BRMS1L: variants seen among roughly 807,000 people sequenced by gnomAD.
The protein encoded by BRMS1L is breast cancer metastasis-suppressor 1-like protein.
In BRMS1L, 23 loss-of-function variants were observed where a neutral mutation model predicts 50.3. The observed-to-expected ratio is 0.46, with a 90% CI of 0.33 to 0.65. BRMS1L has a LOEUF of 0.65. Ranked by LOEUF, BRMS1L falls within the 30% of genes least tolerant of loss-of-function variation. The probability of loss-of-function intolerance (pLI) is 0.02; values close to 1 mark genes in which losing one functional copy is unlikely to be tolerated. For missense variants in BRMS1L, 286 were observed against 386.1 expected (o/e 0.74, Z 2.17); for synonymous variants, 114 against 126.9 (o/e 0.90, Z 0.69).
chr14:35,856,613 G>T (rs918862767), intron 4 of BRMS1L, among the ~76,000 whole-genome samples: 5 of 150,646 alleles, frequency 3.3e-5, no homozygotes, highest in Admixed American at 1.3e-4. Flanking sequence ...CATTTTTTTG[G>T]GGGGGGGTTT....
chr14:35,832,881 T>C (rs1342965310), intron 2 of BRMS1L, 97 bp from the exon 3 acceptor site: 1 of 1,070,632 alleles, frequency 9.3e-7, no homozygotes, highest in Non-Finnish European at 1.3e-6. Flanking sequence ...ATTATTAGAA[T>C]ATAAATGATA....
chr14:35,841,677 A>G (rs2078065937), intron 4 of BRMS1L, among the ~76,000 whole-genome samples: 1 of 152,198 alleles, frequency 6.6e-6, no homozygotes, highest in Admixed American at 6.5e-5. Flanking sequence ...AGAGTTCTGT[A>G]GATGTCTGTT....
At chr14:35,837,483 C>CT (rs1236133752) in intron 4 of BRMS1L, among the ~76,000 whole-genome samples, 1 of 152,094 alleles carries the variant, frequency 6.6e-6, no homozygotes, top group Non-Finnish European at 1.5e-5. Context: ...ATCATAGTAT[C>CT]TTTTTCTATT....
In BRMS1L at chr14:35,830,961, T is replaced by C. The variant is rs535592702; in HGVS notation, c.143-449T>C. On this transcript the variant is annotated intron_variant, in intron 1 of 9. Transcript: ENST00000216807. ...AGTGGATTTTTTTTTTTTTTTTTTT[T>C]AGACTAGGTCACTCTGTCACCCAGG... Among the ~76,000 whole-genome samples the C allele has an allele frequency of 2.3e-4, 34 of 148,910 alleles. No homozygotes were observed. The South Asian group carries it at 7.0e-3, about 31-fold the overall frequency.
At chr14:35,828,000 T>A (rs1415254170) in intron 1 of BRMS1L, among the ~76,000 whole-genome samples, 4 of 152,114 alleles carry the variant, frequency 2.6e-5, no homozygotes, top group Admixed American at 2.6e-4. Flanking sequence ...AAAGTATAGA[T>A]GTGAGTGATT....
chr14:35,834,694 A>G (rs1025431884), intron 3 of BRMS1L, 150 bp from the exon 4 acceptor site: 2 of 412,544 alleles, frequency 4.8e-6, no homozygotes, highest in African/African-American at 4.1e-5. Flanking sequence ...TGAGCCTTTT[A>G]TTTTTAGTCT....
In BRMS1L at chr14:35,862,963, G is replaced by A. The variant is rs143936239; in HGVS notation, c.538+277G>A. ...CAGAATAGTGTCAGGGCTGGATGTG[G>A]TGCTGCACATCTATATCTACAGTCC... is the stretch of plus-strand genomic sequence containing the variant. On this transcript the variant is annotated intron_variant, in intron 5 of 9. Transcript: ENST00000216807. Among the ~76,000 whole-genome samples the A allele has an allele frequency of 8.2e-3, 1,243 of 152,262 alleles. 16 individuals carry two copies. The highest frequency in any genetic ancestry group is 0.011 in the Non-Finnish European group (747 of 68,024).
At chr14:35,851,683 A>G (rs2078213298) in intron 4 of BRMS1L, among the ~76,000 whole-genome samples, 1 of 152,090 alleles carries the variant, frequency 6.6e-6, no homozygotes, top group African/African-American at 2.4e-5. Flanking sequence ...AGGAATGGAA[A>G]CCCCTGTGTA....
At chr14:35,827,046 T>A (rs2077855933) in intron 1 of BRMS1L, among the ~76,000 whole-genome samples, 1 of 152,206 alleles carries the variant, frequency 6.6e-6, no homozygotes, top group Non-Finnish European at 1.5e-5. Context: ...GCAAGTGAGT[T>A]GCCGGGACAG....
chr14:35,828,431 C>T (rs1272828202), intron 1 of BRMS1L, among the ~76,000 whole-genome samples: 1 of 149,828 alleles, frequency 6.7e-6, no homozygotes, highest in Non-Finnish European at 1.5e-5. Context: ...TTCAACCTCC[C>T]AATGTGCTGG....
At chr14:35,859,887 A>G (rs1324790313) in intron 4 of BRMS1L, among the ~76,000 whole-genome samples, 4 of 152,132 alleles carry the variant, frequency 2.6e-5, no homozygotes, top group Admixed American at 2.6e-4. Flanking sequence ...CCTGGGCTCA[A>G]GTGATCCTCC....
intron 2 of BRMS1L, 66 bp downstream of exon 2, chr14:35,831,566 A>G: frequency 8.9e-7 from 1 of 1,123,306 alleles, no homozygotes; most frequent in Non-Finnish European, 1.3e-6. Context: ...TACTAGCACA[A>G]GAGCAACTAG....
At chr14:35,855,582 G>A (rs566586086) in intron 4 of BRMS1L, among the ~76,000 whole-genome samples, 1 of 152,220 alleles carries the variant, frequency 6.6e-6, no homozygotes, top group African/African-American at 2.4e-5. Flanking sequence ...GAAAGCCATA[G>A]AGATGCTAAA....
chr14:35,869,922 T>C (rs2078467504), intron 9 of BRMS1L, among the ~76,000 whole-genome samples: 1 of 152,076 alleles, frequency 6.6e-6, no homozygotes, highest in African/African-American at 2.4e-5. Flanking sequence ...TCTTTTTATG[T>C]AAAGATTAGT....
At chr14:35,846,071 A>G (rs2078129652) in intron 4 of BRMS1L, among the ~76,000 whole-genome samples, 1 of 152,208 alleles carries the variant, frequency 6.6e-6, no homozygotes, top group African/African-American at 2.4e-5. Context: ...ATTCTTTTAC[A>G]TAACCAAAGT....
At chr14:35,832,324 G>A (rs1268876619) in intron 2 of BRMS1L, among the ~76,000 whole-genome samples, 1 of 135,658 alleles carries the variant, frequency 7.4e-6, no homozygotes, top group Non-Finnish European at 1.6e-5. Context: ...CTAACACGGT[G>A]AAACCCCGTC....
At chr14:35,847,281 T>A (rs1408995941) in intron 4 of BRMS1L, among the ~76,000 whole-genome samples, 1 of 152,022 alleles carries the variant, frequency 6.6e-6, no homozygotes, top group Non-Finnish European at 1.5e-5. Flanking sequence ...CCTGGCCATC[T>A]CTTTGTATTT....
intron 3 of BRMS1L, among the ~76,000 whole-genome samples, chr14:35,834,201 C>T (rs2077962691): frequency 6.6e-6 from 1 of 152,124 alleles, no homozygotes; most frequent in Admixed American, 6.5e-5. Flanking sequence ...GAATACATAT[C>T]CAGAGCTCTT....
rs2078478196 is a variant in BRMS1L, at chr14:35,870,531, G to A, written c.*54G>A. 3.7e-6 allele frequency: 4 copies of A among 1,068,940 alleles called. No homozygotes were observed. The highest frequency in any genetic ancestry group is 5.6e-6 in the Non-Finnish European group (4 of 714,402). 66.2% of individuals were successfully genotyped at this position (1,068,940 alleles called of 1,614,324 possible). On this transcript the variant is annotated 3_prime_UTR_variant, in exon 10 of 10. Coordinates refer to ENST00000216807, the MANE Select transcript of BRMS1L (RefSeq NM_032352.4). ...CTTATTAGTGTTACCAAATGTAAGT[G>A]CCATGAGAGTAAAAAAATGTATTCA... is the stretch of plus-strand genomic sequence containing the variant.
Sources: gnomAD v4.1 joint callset for allele counts (sites outside exome capture counted in the v4.1 genomes callset) on GRCh38, gnomAD v4.1.1 for gene constraint, MANE v1.5 for transcripts, NCBI Gene and HGNC (gene_info 2026-07-23, HGNC 2026-07-21) for gene names.